Variants in GPHN observed in about 807,000 individuals in gnomAD.
GPHN encodes the protein gephyrin.
In GPHN, 17 loss-of-function variants were observed where a neutral mutation model predicts 95.5. The ratio of observed to expected loss-of-function variants is 0.18; its 90% CI spans 0.12 to 0.27. The LOEUF is 0.27. Among genes scored for constraint, GPHN ranks in the 10% least tolerant of loss-of-function variants. The probability of loss-of-function intolerance (pLI) is 1.00; values close to 1 mark genes in which losing one functional copy is unlikely to be tolerated. For missense variants in GPHN, 660 were observed against 978.1 expected, an observed-to-expected ratio of 0.67 and a Z score of 4.34; for synonymous variants, 320 against 322.5, an observed-to-expected ratio of 0.99 and a Z score of 0.08.
intron 2 of GPHN, among the ~76,000 whole-genome samples, chr14:66,743,017 T>C (rs970504240): frequency 6.6e-6 from 1 of 152,124 alleles, no homozygotes; most frequent in African/African-American, 2.4e-5. Context: ...TTCTTTTTCT[T>C]GTTTAAGAAA....
chr14:66,941,695 A>AC, intron 8 of GPHN, among the ~76,000 whole-genome samples: 2 of 152,226 alleles, frequency 1.3e-5, no homozygotes, highest in African/African-American at 4.8e-5. Context: ...AAAAAAAAAA[A>AC]AACTTGTTTC....
At chr14:67,146,535 T>A (rs2080906506) in intron 18 of GPHN, among the ~76,000 whole-genome samples, 2 of 152,172 alleles carry the variant, frequency 1.3e-5, no homozygotes, top group Non-Finnish European at 2.9e-5. Flanking sequence ...CAGTGACCTT[T>A]TTTGCTCATT....
At chr14:66,995,374 TTG>T (rs1381714611) in intron 9 of GPHN, among the ~76,000 whole-genome samples, 1 of 152,030 alleles carries the variant, frequency 6.6e-6, no homozygotes, top group African/African-American at 2.4e-5. Context: ...TGTTGAAGAG[TTG>T]TGTGTTTAAG....
chr14:67,414,062 C>T, the GPHN span, among the ~76,000 whole-genome samples: 8 of 152,218 alleles, frequency 5.3e-5, no homozygotes, highest in Non-Finnish European at 1.0e-4. Flanking sequence ...TCATCCTCTT[C>T]GGCTCTAACT....
chr14:67,012,318 G>A (rs189871721), intron 9 of GPHN, among the ~76,000 whole-genome samples: 5 of 152,016 alleles, frequency 3.3e-5, no homozygotes, highest in African/African-American at 1.2e-4. Context: ...TTTATTTATG[G>A]TAAAACTTCA....
At chr14:66,678,997 C>T (rs965650917) in intron 1 of GPHN, among the ~76,000 whole-genome samples, 1 of 152,188 alleles carries the variant, frequency 6.6e-6, no homozygotes, top group Non-Finnish European at 1.5e-5. Flanking sequence ...GTGGGTTGTT[C>T]TTGGGCTCCT....
chr14:66,986,427 G>T (rs2071033921), intron 9 of GPHN, among the ~76,000 whole-genome samples: 1 of 152,000 alleles, frequency 6.6e-6, no homozygotes. Flanking sequence ...ACAATTGAAA[G>T]ATTTCTAATT....
chr14:66,517,928 A>G (rs187863361), intron 1 of GPHN, among the ~76,000 whole-genome samples: 1 of 152,240 alleles, frequency 6.6e-6, no homozygotes, highest in East Asian at 1.9e-4. Context: ...AAAAAAAGCA[A>G]AAATAAACAA....
chr14:67,603,976 C>T, the GPHN span, among the ~76,000 whole-genome samples: 1 of 152,146 alleles, frequency 6.6e-6, no homozygotes, highest in Non-Finnish European at 1.5e-5. Context: ...CCACCGCTCC[C>T]AGCCCTGCCC....
chr14:67,625,136 G>A, the GPHN span, among the ~76,000 whole-genome samples: 4 of 151,698 alleles, frequency 2.6e-5, no homozygotes, highest in East Asian at 5.8e-4. Flanking sequence ...AAATGGTGCT[G>A]GGATAACTGG....
At chr14:67,666,880 G>C in the GPHN span, among the ~76,000 whole-genome samples, 1 of 152,204 alleles carries the variant, frequency 6.6e-6, no homozygotes, top group African/African-American at 2.4e-5. Flanking sequence ...TGTGCTCCCA[G>C]AGTATAGCCT....
chr14:67,713,125 G>A, the GPHN span, among the ~76,000 whole-genome samples: 1 of 151,964 alleles, frequency 6.6e-6, no homozygotes, highest in African/African-American at 2.4e-5. Flanking sequence ...CTAATGGTAA[G>A]CAGAAATTAA....
chr14:67,053,230 T>TAAAG (rs561875167), intron 10 of GPHN, among the ~76,000 whole-genome samples: 7,983 of 133,028 alleles, frequency 0.06, 233 homozygotes, highest in Middle Eastern at 0.091. Context: ...GCTAGACTAA[T>TAAAG]AAGGAAAGAG....
At chr14:67,678,516 G>A in the GPHN span, 1 of 766,116 alleles carries the variant, frequency 1.3e-6, no homozygotes, top group Non-Finnish European at 2.2e-6. Flanking sequence ...AACAACTAGG[G>A]ATCACATGTT....
chr14:67,370,948 G>A, the GPHN span, among the ~76,000 whole-genome samples: 1 of 152,090 alleles, frequency 6.6e-6, no homozygotes, highest in East Asian at 1.9e-4. Flanking sequence ...AGGATTGCTT[G>A]AGGCCAGGAG....
the GPHN span, chr14:67,577,935 CTGGA>C: frequency 8.0e-7 from 1 of 1,252,822 alleles, no homozygotes; most frequent in African/African-American, 1.5e-5. Context: ...TCTAACCTCC[CTGGA>C]GCCCTTGGAA....
intron 2 of GPHN, among the ~76,000 whole-genome samples, chr14:66,721,939 G>A (rs1318051000): frequency 7.9e-4 from 84 of 106,808 alleles, no homozygotes; most frequent in African/African-American, 2.9e-3. Context: ...CAGTAAGAGC[G>A]AAACTCTGTC....
chr14:66,536,628 C>G (rs1250217797), intron 1 of GPHN, among the ~76,000 whole-genome samples: 1 of 152,052 alleles, frequency 6.6e-6, no homozygotes, highest in East Asian at 1.9e-4. Context: ...TAGATTGATA[C>G]GTTTCATGTG....
chr14:67,243,203 T>G, the GPHN span, among the ~76,000 whole-genome samples: 73 of 152,222 alleles, frequency 4.8e-4, no homozygotes, highest in East Asian at 3.5e-3. Flanking sequence ...CTTTTTTTTT[T>G]TGTGAGACAT....
Sources: gnomAD v4.1 joint callset for allele counts (sites outside exome capture counted in the v4.1 genomes callset) on GRCh38, gnomAD v4.1.1 for gene constraint, MANE v1.5 for transcripts, NCBI Gene and HGNC (gene_info 2026-07-23, HGNC 2026-07-21) for gene names.